The following POLR3A variants were observed in gnomAD, a reference collection of about 807,000 sequenced individuals.
The protein encoded by POLR3A is RNA polymerase III subunit A, also known as DNA-directed RNA polymerase III subunit RPC1.
In POLR3A, 112 loss-of-function variants were observed where a neutral mutation model predicts 152.8. That is an observed-to-expected ratio of 0.73 (90% CI 0.63 to 0.86). The LOEUF (loss-of-function observed/expected upper bound fraction) is 0.86, where lower values mean the gene tolerates loss of function less well. Among genes scored for constraint, POLR3A ranks in the 40% least tolerant of loss-of-function variants. The pLI, the probability that POLR3A is intolerant of heterozygous loss-of-function variation, is 0.00. For missense variants in POLR3A, 1,385 were observed against 1,743.1 expected (o/e 0.79, Z 3.66); for synonymous variants, 615 against 652.1 (o/e 0.94, Z 0.87).
rs1301932860 is a variant in POLR3A at position 78,019,277 on chromosome 10, A to G, written c.1186-12T>C. 3.2e-6 allele frequency: 5 copies of G among 1,559,830 alleles called. No homozygotes were observed. Among genetic ancestry groups the G allele is most frequent in the Non-Finnish European group, 4.4e-6 (5 of 1,130,988 alleles). ...TTTGCTTTGTTTACCTGCAGTACAAAAAAACCACAATAAGTTACTCCCAGG... is the reference window on the plus strand; with the variant it reads ...TTTGCTTTGTTTACCTGCAGTACAAGAAAACCACAATAAGTTACTCCCAGG... On this transcript the variant is annotated splice_polypyrimidine_tract_variant and intron_variant, in intron 8 of 30. Coordinates refer to ENST00000372371, the MANE Select transcript of POLR3A (RefSeq NM_007055.4).
rs1847082931 is a variant in POLR3A at position 77,975,822 on chromosome 10, G to A, written c.*1656C>T. 1 of 152,176 alleles carries A rather than the reference G, an allele frequency of 6.6e-6. No individual in the cohort carries two copies. The highest frequency in any genetic ancestry group is 2.1e-4 in the South Asian group (1 of 4,826). The allele number at this position is 152,176 out of a possible 1,614,324, so 9.4% of individuals were successfully genotyped here. ...AGCTTACTTCCCAGGCATGCTTCCAGGAAGGCAGTTGGGGTGGGGGGTACC... is the reference window on the plus strand; with the variant it reads ...AGCTTACTTCCCAGGCATGCTTCCAAGAAGGCAGTTGGGGTGGGGGGTACC... On this transcript the variant is annotated 3_prime_UTR_variant, in exon 31 of 31. Transcript: ENST00000372371.
intron 30 of POLR3A, among the ~76,000 whole-genome samples, chr10:77,979,141 T>C (rs2131924624): frequency 6.6e-6 from 1 of 152,318 alleles, no homozygotes; most frequent in Non-Finnish European, 1.5e-5. Context: ...TTATGTAATA[T>C]TTATTTCCCT....
At chr10:78,021,790 T>C in intron 7 of POLR3A, 70 bp downstream of exon 7, 2 of 1,610,178 alleles carry the variant, frequency 1.2e-6, no homozygotes, top group Non-Finnish European at 1.7e-6. Flanking sequence ...TCAGAGAAGC[T>C]GGACAGACAC....
rs2131952527 is a variant in POLR3A, at chr10:78,013,731, A to G, written c.1491T>C (p.Asn497=). Residue 497 remains asparagine, a synonymous_variant, in exon 11 of 31, where the codon AAT becomes AAC. Coordinates refer to ENST00000372371, the MANE Select transcript of POLR3A (RefSeq NM_007055.4). ...RFNECVCTPY[N]ADFDGDEMNL... is the part of the protein sequence containing the mutation. Reference sequence around the variant, plus strand: ...TCATTTCATCACCATCAAAGTCAGCATTATAGGGTGTACAGACACACTCAT... The same window carrying G: ...TCATTTCATCACCATCAAAGTCAGCGTTATAGGGTGTACAGACACACTCAT... 2 of 1,614,156 alleles carry G rather than the reference A, an allele frequency of 1.2e-6. No individual in the cohort carries two copies. The highest frequency in any genetic ancestry group is 1.3e-5 in the African/African-American group (1 of 75,042).
chr10:78,007,541 T>A (rs1847422580), intron 15 of POLR3A, among the ~76,000 whole-genome samples, 161 bp downstream of exon 15: 1 of 152,218 alleles, frequency 6.6e-6, no homozygotes, highest in African/African-American at 2.4e-5. Context: ...TGAGTTAATT[T>A]AATTAATAAC....
At chr10:77,980,053 G>GT (rs1417967465) in intron 30 of POLR3A, 88 bp downstream of exon 30, 7 of 1,277,194 alleles carry the variant, frequency 5.5e-6, no homozygotes, top group East Asian at 2.3e-5. Flanking sequence ...CTGCCACTCA[G>GT]TTTTTTTCAT....
intron 19 of POLR3A, 22 bp from the exon 20 acceptor site, chr10:77,993,389 G>T: frequency 1.2e-6 from 2 of 1,604,566 alleles, no homozygotes; most frequent in Non-Finnish European, 1.7e-6. Context: ...GGAGGAAAAA[G>T]CTCAGCTGCT....
intron 9 of POLR3A, 34 bp downstream of exon 9, chr10:78,019,128 G>A (rs368571369): frequency 7.1e-7 from 1 of 1,399,174 alleles, no homozygotes; most frequent in African/African-American, 1.4e-5. Flanking sequence ...CCATGAGAAA[G>A]TAGTTAAATC....
In POLR3A at chr10:77,982,132, G is replaced by A. The variant is rs372943894; in HGVS notation, c.3759+22C>T. 94 of 1,588,204 alleles carry A rather than the reference G, an allele frequency of 5.9e-5. No individual in the cohort carries two copies. The East Asian group carries it at 8.2e-4, about 14-fold the overall frequency. Reference sequence around the variant, plus strand: ...AAGGAAGACAGCCTAACCCTAAGGCGACCCCGTGGGCTGAGTGGTACCTCA... The same window carrying A: ...AAGGAAGACAGCCTAACCCTAAGGCAACCCCGTGGGCTGAGTGGTACCTCA... On this transcript the variant is annotated intron_variant, in intron 28 of 30. Coordinates refer to ENST00000372371, the MANE Select transcript of POLR3A (RefSeq NM_007055.4).
At chr10:77,979,751 T>C (rs1847122450) in intron 30 of POLR3A, among the ~76,000 whole-genome samples, 1 of 152,162 alleles carries the variant, frequency 6.6e-6, no homozygotes, top group Non-Finnish European at 1.5e-5. Context: ...CCAAGGACAG[T>C]AGGACACTCT....
rs112923333 is a variant in POLR3A, at chr10:78,000,533, A to G, written c.2479-415T>C. ...TACAAAACATAACCATGCATTGTCA[A>G]TGTCTACAGGGTTTCATTCTGGGCA... is the stretch of plus-strand genomic sequence containing the variant. On this transcript the variant is annotated intron_variant, in intron 18 of 30. Transcript: ENST00000372371. 1.9e-3 allele frequency among the ~76,000 whole-genome samples: 288 copies of G among 152,322 alleles called. 1 individual carries two copies. The highest frequency in any genetic ancestry group is 6.5e-3 in the African/African-American group (270 of 41,588).
intron 19 of POLR3A, among the ~76,000 whole-genome samples, 176 bp downstream of exon 19, chr10:77,999,802 ATAC>A (rs1847338306): frequency 6.6e-6 from 1 of 152,186 alleles, no homozygotes; most frequent in Non-Finnish European, 1.5e-5. Context: ...GATTCGGAAC[ATAC>A]TACATTTTTT....
At chr10:77,998,665 G>A (rs1847326271) in intron 19 of POLR3A, among the ~76,000 whole-genome samples, 1 of 152,210 alleles carries the variant, frequency 6.6e-6, no homozygotes, top group East Asian at 1.9e-4. Context: ...GAGCTGGAGA[G>A]GATGTGGAGA....
intron 17 of POLR3A, 125 bp downstream of exon 17, chr10:78,002,072 C>T (rs1198231384): frequency 1.6e-6 from 1 of 631,132 alleles, no homozygotes; most frequent in Non-Finnish European, 2.8e-6. Context: ...GTCTCTCTCT[C>T]TGATTTAAAA....
intron 15 of POLR3A, 65 bp downstream of exon 15, chr10:78,007,637 A>G: frequency 7.1e-7 from 1 of 1,407,052 alleles, no homozygotes; most frequent in Non-Finnish European, 1.0e-6. Flanking sequence ...AGAACAAAAT[A>G]ACGTAAACCC....
chr10:77,982,431 T>A, intron 27 of POLR3A, 113 bp from the exon 28 acceptor site: 1 of 1,084,810 alleles, frequency 9.2e-7, no homozygotes, highest in Non-Finnish European at 1.4e-6. Context: ...CTAGAGCTAG[T>A]TTTAGGGATA....
chr10:78,000,889 G>T, intron 18 of POLR3A, 87 bp downstream of exon 18: 1 of 774,754 alleles, frequency 1.3e-6, no homozygotes, highest in Non-Finnish European at 2.3e-6. Context: ...TTGGCCAACG[G>T]TCTTTGATCT....
At chr10:77,979,546 A>T (rs1037190942) in intron 30 of POLR3A, among the ~76,000 whole-genome samples, 1 of 152,190 alleles carries the variant, frequency 6.6e-6, no homozygotes, top group African/African-American at 2.4e-5. Flanking sequence ...AGCCCCATAA[A>T]GCCATGTTTT....
In POLR3A at chr10:78,029,394, T is replaced by G. The variant is rs755364652; in HGVS notation, c.14A>C (p.Gln5Pro). Residue 5 changes from glutamine to proline, a missense_variant, in exon 1 of 31, where the codon CAG becomes CCG. Physicochemically the swap from Gln to Pro is moderately conservative, Grantham distance 76. Transcript: ENST00000372371. MVKE[Q>P]FRETDVAKKI... is the part of the protein sequence containing the mutation. ...CTTGGCCACATCCGTCTCCCGGAAC[T>G]GCTCCTTCACCATGATGACCGCTGC... 1 of 1,614,156 alleles carries G rather than the reference T, an allele frequency of 6.2e-7. No individual in the cohort carries two copies. Among genetic ancestry groups the G allele is most frequent in the Non-Finnish European group, 8.5e-7 (1 of 1,180,028 alleles).
Sources: gnomAD v4.1 joint callset for allele counts (sites outside exome capture counted in the v4.1 genomes callset) on GRCh38, gnomAD v4.1.1 for gene constraint, MANE v1.5 for transcripts, NCBI Gene and HGNC (gene_info 2026-07-23, HGNC 2026-07-21) for gene names.